Variants in ELP1 observed in about 807,000 individuals in gnomAD.
The protein encoded by ELP1 is elongator acetyltransferase complex subunit 1.
A neutral mutation model predicts 183.2 loss-of-function variants in ELP1; 131 were observed. That is an observed-to-expected ratio of 0.72 (90% CI 0.62 to 0.83). The LOEUF (loss-of-function observed/expected upper bound fraction) is 0.83. Ranked by LOEUF, ELP1 falls within the 40% of genes least tolerant of loss-of-function variation. The probability of loss-of-function intolerance (pLI) is 0.00; values close to 1 mark genes in which losing one functional copy is unlikely to be tolerated. For missense variants in ELP1, 1,550 were observed against 1,594.9 expected (o/e 0.97, Z 0.48); for synonymous variants, 555 against 569.0 (o/e 0.98, Z 0.35).
intron 31 of ELP1, among the ~76,000 whole-genome samples, chr9:108,880,481 G>A (rs905207207): frequency 6.6e-6 from 1 of 152,146 alleles, no homozygotes; most frequent in South Asian, 2.1e-4. Flanking sequence ...CAAAAAAAGG[G>A]GGGGTAGGGG....
chr9:108,921,305 T>C (rs2132034921), intron 6 of ELP1, among the ~76,000 whole-genome samples: 1 of 151,012 alleles, frequency 6.6e-6, no homozygotes, highest in East Asian at 2.0e-4. Flanking sequence ...CTCTACTTTC[T>C]GCCTCTGTGG....
intron 28 of ELP1, among the ~76,000 whole-genome samples, chr9:108,890,842 C>T (rs1186771464): frequency 1.3e-5 from 2 of 152,194 alleles, no homozygotes; most frequent in Non-Finnish European, 2.9e-5. Flanking sequence ...CAGGTCATTT[C>T]CAACTTAAAG....
At position 108,902,934 on chromosome 9, in the gene ELP1, A is replaced by G. The variant is rs772313194; in HGVS notation, c.1759T>C (p.Ser587Pro). ...QIFKYLWESP[S>P]LAIKPWKNSG... ...TTCTTCCATGGTTTAATAGCCAGAG[A>G]AGGTGACTCTGCAAGATTCACAGAT... The change falls in exon 16 of 37, where the codon TCT becomes CCT. Residue 587 changes from serine (S) to proline (P), a missense_variant. By Grantham distance (74) the Ser-to-Pro change is moderately conservative. Coordinates refer to ENST00000374647, the MANE Select transcript of ELP1 (RefSeq NM_003640.5). 2 of 1,613,630 alleles carry G rather than the reference A, an allele frequency of 1.2e-6. No individual in the cohort carries two copies. The highest frequency in any genetic ancestry group is 3.3e-5 in the Admixed American group (2 of 60,010).
At chr9:108,898,772 T>G (rs1459587530) in intron 20 of ELP1, 23 bp from the exon 21 acceptor site, 1 of 1,550,888 alleles carries the variant, frequency 6.4e-7, no homozygotes, top group South Asian at 1.1e-5. Flanking sequence ...AGAGAAAGAA[T>G]AGAAAAGATA....
chr9:108,878,739 T>C lies in ELP1; in HGVS notation c.3584A>G (p.Lys1195Arg), dbSNP rs897006383. Residue 1195 changes from lysine to arginine, a missense_variant, in exon 34 of 37, where the codon AAG becomes AGG. Lys to Arg is a conservative substitution (Grantham distance 26). Transcript: ENST00000374647. ...SNSRISARSS[K>R]NRRKAERKKH... ...CTTCCGCTCCGCTTTTCGGCGATTC[T>C]TGGATGATCTCCTGTTAGAAATTAC... is the stretch of plus-strand genomic sequence containing the variant. 1 of 1,614,192 alleles carries C rather than the reference T, an allele frequency of 6.2e-7. No individual in the cohort carries two copies. The highest frequency in any genetic ancestry group is 8.5e-7 in the Non-Finnish European group (1 of 1,180,032).
chr9:108,900,833 C>CAGAG (rs1828761488), intron 18 of ELP1, among the ~76,000 whole-genome samples: 2 of 91,674 alleles, frequency 2.2e-5, no homozygotes, highest in African/African-American at 4.5e-5. Flanking sequence ...GCCACACACA[C>CAGAG]ATACACGCCA....
At chr9:108,917,068 C>G (rs975007168) in intron 9 of ELP1, among the ~76,000 whole-genome samples, 1 of 152,152 alleles carries the variant, frequency 6.6e-6, no homozygotes, top group Non-Finnish European at 1.5e-5. Flanking sequence ...TTTGCAAAAT[C>G]ACTGGAAAAA....
chr9:108,900,358 T>C lies in ELP1; in HGVS notation c.2032A>G (p.Ser678Gly), dbSNP rs756120509. 1.9e-5 allele frequency: 30 copies of C among 1,614,108 alleles called. No homozygotes were observed. Among genetic ancestry groups the C allele is most frequent in the Non-Finnish European group, 2.2e-5 (26 of 1,179,960 alleles). The change falls in exon 19 of 37, where the codon AGC becomes GGC. Residue 678 changes from serine to glycine, a missense_variant. By Grantham distance (56) the Ser-to-Gly change is moderately conservative. Coordinates refer to ENST00000374647, the MANE Select transcript of ELP1 (RefSeq NM_003640.5). ...TCCCCATGGGACACATGATTGCTGC[T>C]CAGGCCGGCCTGTAATGCTAAACAC... ...ASFKTLQAGL[S>G]SNHVSHGEVL... is the part of the protein sequence containing the mutation.
chr9:108,901,591 T>C (rs1828812027), intron 17 of ELP1, 37 bp downstream of exon 17: 1 of 1,612,726 alleles, frequency 6.2e-7, no homozygotes, highest in African/African-American at 1.3e-5. Context: ...GAGCTAACAC[T>C]GTGAAAAGGA....
rs1384891650 is a variant in ELP1 at position 108,897,285 on chromosome 9, T to C, written c.2364A>G (p.Lys788=). 7 of 1,614,078 alleles carry C rather than the reference T, an allele frequency of 4.3e-6. No homozygotes were observed. The South Asian group carries it at 7.7e-5, about 18-fold the overall frequency. Residue 788 remains lysine (K), a splice_region_variant and synonymous_variant, in exon 23 of 37, where the codon AAA becomes AAG. Transcript: ENST00000374647. ...NHINLFFTEL[K]EEDVTKTMYP... ...ACATGGTCTTCGTGACATCTTCTTC[T>C]CTAAGAACAGGTGTGTATGGAATGG... is the stretch of plus-strand genomic sequence containing the variant.
intron 10 of ELP1, among the ~76,000 whole-genome samples, chr9:108,915,225 G>A (rs1205400495): frequency 1.3e-5 from 2 of 152,164 alleles, no homozygotes; most frequent in Non-Finnish European, 2.9e-5. Context: ...ATGCACTAGG[G>A]AAAGCACGTG....
chr9:108,879,999 G>A (rs907776120), intron 32 of ELP1, 53 bp downstream of exon 32: 65 of 1,138,374 alleles, frequency 5.7e-5, no homozygotes, highest in Admixed American at 5.1e-4. Flanking sequence ...AATGTGTGGC[G>A]TTACCCAACC....
At chr9:108,869,683 G>C (rs932457828) in intron 36 of ELP1, among the ~76,000 whole-genome samples, 3 of 151,922 alleles carry the variant, frequency 2.0e-5, no homozygotes, top group African/African-American at 7.3e-5. Context: ...TTTAAAAAAA[G>C]TGAATGGAGA....
intron 23 of ELP1, 54 bp from the exon 24 acceptor site, chr9:108,897,092 G>GTAGTT (rs1195784379): frequency 1.9e-6 from 3 of 1,613,552 alleles, no homozygotes; most frequent in Non-Finnish European, 2.5e-6. Flanking sequence ...GGCTGGACAA[G>GTAGTT]GACAACTACA....
In ELP1 at chr9:108,929,815, G is replaced by A. The variant is rs1829939433; in HGVS notation, c.257C>T (p.Ala86Val). The A allele has an allele frequency of 6.2e-7, 1 of 1,613,862 alleles. No homozygotes were observed. The highest frequency in any genetic ancestry group is 1.3e-5 in the African/African-American group (1 of 75,016). ...DLLDQESVCV[A>V]TASGDVILCS... ...GAGTATGACGTCTCCAGAGGCTGTGGCCACACACACAGACTCCTGATCCAG... is the reference window on the plus strand; with the variant it reads ...GAGTATGACGTCTCCAGAGGCTGTGACCACACACACAGACTCCTGATCCAG... Residue 86 changes from alanine to valine, a missense_variant, in exon 3 of 37, where the codon GCC becomes GTC. Transcript: ENST00000374647.
intron 35 of ELP1, 64 bp from the exon 36 acceptor site, chr9:108,875,034 A>C: frequency 9.2e-7 from 1 of 1,085,912 alleles, no homozygotes; most frequent in Non-Finnish European, 1.4e-6. Context: ...GCCAATACCA[A>C]AGGCCAAATC....
chr9:108,880,494 G>A (rs1205153948), intron 31 of ELP1, among the ~76,000 whole-genome samples: 2 of 151,894 alleles, frequency 1.3e-5, no homozygotes, highest in South Asian at 2.1e-4. Context: ...GGTAGGGGAG[G>A]GGAGCTCAGT....
intron 3 of ELP1, among the ~76,000 whole-genome samples, chr9:108,928,355 T>C (rs916717206): frequency 1.3e-5 from 2 of 152,106 alleles, no homozygotes; most frequent in Admixed American, 6.5e-5. Flanking sequence ...ATAACAGCAA[T>C]GACCAAGATC....
intron 36 of ELP1, among the ~76,000 whole-genome samples, chr9:108,870,966 A>AC (rs1827428530): frequency 1.6e-5 from 2 of 123,004 alleles, no homozygotes; most frequent in Admixed American, 8.3e-5. Context: ...TCCTTCATGC[A>AC]CCATTTTTTT....
Sources: gnomAD v4.1 joint callset for allele counts (sites outside exome capture counted in the v4.1 genomes callset) on GRCh38, gnomAD v4.1.1 for gene constraint, MANE v1.5 for transcripts, NCBI Gene and HGNC (gene_info 2026-07-23, HGNC 2026-07-21) for gene names.